The following LRRC7 variants were observed in gnomAD, a reference collection of about 807,000 sequenced individuals.
LRRC7 encodes leucine rich repeat containing 7.
Under a neutral mutation model 175.7 loss-of-function variants are expected in LRRC7, and 23 were observed. That is an observed-to-expected ratio of 0.13 (90% confidence interval 0.09 to 0.19). The LOEUF (loss-of-function observed/expected upper bound fraction) is 0.19, where lower values mean the gene tolerates loss of function less well. Among genes scored for constraint, LRRC7 ranks in the 10% least tolerant of loss-of-function variants. LRRC7 has a pLI of 1.00. For synonymous variants in LRRC7, 685 were observed against 680.9 expected, an observed-to-expected ratio of 1.01 and a Z score of -0.09; for missense variants, 1,354 against 1,904.7, an observed-to-expected ratio of 0.71 and a Z score of 5.38.
intron 1 of LRRC7, among the ~76,000 whole-genome samples, chr1:69,649,365 G>A (rs1372636024): frequency 6.6e-6 from 1 of 152,074 alleles, no homozygotes; most frequent in African/African-American, 2.4e-5. Context: ...GAAAGCTATG[G>A]GAAGTGAGGA....
intron 1 of LRRC7, among the ~76,000 whole-genome samples, chr1:69,667,451 C>CACTAATAGT (rs1373824152): frequency 2.4e-4 from 36 of 152,210 alleles, no homozygotes; most frequent in African/African-American, 6.3e-4. Flanking sequence ...CTCTCTTTAG[C>CACTAATAGT]ACTAATAGTA....
At chr1:70,012,485 A>G (rs1038046958) in intron 12 of LRRC7, among the ~76,000 whole-genome samples, 1 of 151,874 alleles carries the variant, frequency 6.6e-6, no homozygotes, top group East Asian at 1.9e-4. Context: ...TCTACTAAAC[A>G]TTCTTATAAT....
chr1:69,901,363 T>G (rs572641269), intron 7 of LRRC7, among the ~76,000 whole-genome samples: 9 of 152,318 alleles, frequency 5.9e-5, no homozygotes, highest in African/African-American at 1.9e-4. Context: ...TCTATTAAAG[T>G]CTACTGGGAG....
rs146243005 is a variant in LRRC7 at position 70,135,026 on chromosome 1, A to C, written c.*13139A>C. Among the ~76,000 whole-genome samples, 904 of 152,342 alleles carry C rather than the reference A, an allele frequency of 5.9e-3. 7 individuals carry two copies. Among genetic ancestry groups the C allele is most frequent in the African/African-American group, 0.021 (887 of 41,570 alleles). ...CCAGAACTATTTAAATACTAGAATG[A>C]AAATTACATAGAATTTTACTGAAGA... is the stretch of plus-strand genomic sequence containing the variant. On this transcript the variant is annotated 3_prime_UTR_variant, in exon 27 of 27. Coordinates refer to ENST00000651989, the MANE Select transcript of LRRC7 (RefSeq NM_001370785.2).
intron 3 of LRRC7, among the ~76,000 whole-genome samples, chr1:69,790,660 G>C (rs1674999844): frequency 1.3e-5 from 2 of 151,872 alleles, no homozygotes; most frequent in African/African-American, 4.8e-5. Flanking sequence ...CAGAATGATA[G>C]AGACTGGAAT....
At chr1:69,841,804 G>A (rs1007172250) in intron 7 of LRRC7, among the ~76,000 whole-genome samples, 1 of 151,960 alleles carries the variant, frequency 6.6e-6, no homozygotes, top group East Asian at 1.9e-4. Context: ...GATTCACAAT[G>A]ACAAGTATCT....
rs550353645 is a variant in LRRC7, at chr1:69,781,850, A to G, written c.304-10193A>G. Among the ~76,000 whole-genome samples, 253 of 104,314 alleles carry G rather than the reference A, an allele frequency of 2.4e-3. 5 individuals carry two copies. The highest frequency in any genetic ancestry group is 9.5e-3 in the African/African-American group (214 of 22,558). The allele number at this position is 104,314 out of a possible 152,430, so 68.4% of individuals were successfully genotyped here. ...GGAAGGAAGGAAGGAAGGAAGGGAG[A>G]GAAAGAAAGAGAAGGAAGGAAGGAA... On this transcript the variant is annotated intron_variant, in intron 3 of 26. Coordinates refer to ENST00000651989, the MANE Select transcript of LRRC7 (RefSeq NM_001370785.2).
At chr1:69,828,859 A>T (rs549107408) in intron 5 of LRRC7, among the ~76,000 whole-genome samples, 17 of 152,094 alleles carry the variant, frequency 1.1e-4, no homozygotes, top group African/African-American at 4.1e-4. Context: ...ATATGGTTTA[A>T]CTGTTCTATT....
intron 3 of LRRC7, among the ~76,000 whole-genome samples, chr1:69,772,925 G>A (rs1372444394): frequency 6.6e-6 from 1 of 152,162 alleles, no homozygotes; most frequent in African/African-American, 2.4e-5. Flanking sequence ...TTGGCTAAGA[G>A]GATAGAGGAG....
chr1:69,668,206 T>A (rs907194321), intron 1 of LRRC7, among the ~76,000 whole-genome samples: 12 of 152,202 alleles, frequency 7.9e-5, no homozygotes, highest in Non-Finnish European at 2.9e-5. Flanking sequence ...GTAGTTTTGT[T>A]ACATAGGTAT....
intron 5 of LRRC7, among the ~76,000 whole-genome samples, chr1:69,830,867 A>T (rs879915671): frequency 6.6e-6 from 1 of 151,884 alleles, no homozygotes; most frequent in African/African-American, 2.4e-5. Context: ...CTTACTTTGC[A>T]TGCTGGTTTT....
At chr1:69,937,941 A>C (rs1390195695) in intron 8 of LRRC7, among the ~76,000 whole-genome samples, 1 of 151,906 alleles carries the variant, frequency 6.6e-6, no homozygotes, top group Admixed American at 6.6e-5. Flanking sequence ...GGTCATTTTG[A>C]GAGTGTTTTC....
At chr1:69,846,014 C>T (rs2101423180) in intron 7 of LRRC7, among the ~76,000 whole-genome samples, 1 of 152,204 alleles carries the variant, frequency 6.6e-6, no homozygotes, top group Middle Eastern at 3.4e-3. Context: ...CACATTAGTG[C>T]CCTCTGCTTT....
At chr1:69,905,097 A>T (rs1286804898) in intron 7 of LRRC7, among the ~76,000 whole-genome samples, 1 of 152,128 alleles carries the variant, frequency 6.6e-6, no homozygotes, top group Admixed American at 6.6e-5. Flanking sequence ...ATTTAGGTTG[A>T]TTCCATGTCT....
intron 5 of LRRC7, among the ~76,000 whole-genome samples, chr1:69,829,515 T>C (rs1307486920): frequency 6.6e-6 from 1 of 152,016 alleles, no homozygotes; most frequent in East Asian, 1.9e-4. Context: ...AATTAATTAA[T>C]GTTAACTAGA....
intron 23 of LRRC7, among the ~76,000 whole-genome samples, chr1:70,068,072 T>C (rs1408371750): frequency 6.6e-6 from 1 of 152,142 alleles, no homozygotes; most frequent in Non-Finnish European, 1.5e-5. Flanking sequence ...AGCTTCTTTT[T>C]TCTTTTCAAT....
intron 7 of LRRC7, among the ~76,000 whole-genome samples, chr1:69,918,171 T>C (rs1005199445): frequency 6.6e-6 from 1 of 152,164 alleles, no homozygotes; most frequent in Non-Finnish European, 1.5e-5. Flanking sequence ...GAGCAGAGGC[T>C]GTGTAGGATG....
chr1:69,857,542 C>A (rs1683815813), intron 7 of LRRC7, among the ~76,000 whole-genome samples: 11 of 152,012 alleles, frequency 7.2e-5, no homozygotes, highest in Admixed American at 7.2e-4. Context: ...ACCTAGGAAT[C>A]CAGCTTACAA....
At chr1:69,736,532 G>A (rs1228365976) in intron 2 of LRRC7, among the ~76,000 whole-genome samples, 2 of 152,082 alleles carry the variant, frequency 1.3e-5, no homozygotes, top group African/African-American at 4.8e-5. Context: ...GAATAAGTTA[G>A]GTAATGACTG....
Sources: allele counts gnomAD v4.1 joint callset (sites outside exome capture counted in the v4.1 genomes callset), GRCh38; gene constraint gnomAD v4.1.1; transcripts MANE v1.5; gene names NCBI Gene and HGNC (gene_info 2026-07-23, HGNC 2026-07-21).